SFXN5: variants seen among roughly 807,000 people sequenced by gnomAD.
The protein encoded by SFXN5 is sideroflexin-5.
SFXN5 carries 43 observed loss-of-function variants against 50.2 expected under a neutral mutation model. The ratio of observed to expected loss-of-function variants is 0.86; its 90% confidence interval spans 0.67 to 1.11. The LOEUF is 1.11. Ranked by LOEUF, SFXN5 falls within the 50% of genes least tolerant of loss-of-function variation. The probability of loss-of-function intolerance (pLI) is 0.00; values close to 1 mark genes in which losing one functional copy is unlikely to be tolerated. For missense variants in SFXN5, 463 were observed against 454.1 expected, an observed-to-expected ratio of 1.02 and a Z score of -0.18; for synonymous variants, 203 against 185.8, an observed-to-expected ratio of 1.09 and a Z score of -0.75.
At chr2:73,047,085 C>T (rs538435178) in intron 2 of SFXN5, among the ~76,000 whole-genome samples, 1 of 149,046 alleles carries the variant, frequency 6.7e-6, no homozygotes, top group Non-Finnish European at 1.5e-5. Context: ...ATTAGCTGGA[C>T]GTGGTGGCAG....
Position 73,071,673 on chromosome 2 carries a change from C to T in SFXN5, c.33G>A (p.Ala11=), listed in dbSNP as rs767541561. 27 of 1,612,222 alleles carry T rather than the reference C, an allele frequency of 1.7e-5. No individual in the cohort carries two copies. The Middle Eastern group carries it at 4.9e-4, about 29-fold the overall frequency. ...TCGAGGCGCTAGCGGCACTAGCCGCCGCCGCCGATGCTGTAGTCGCTGTAT... is the reference window on the plus strand; with the variant it reads ...TCGAGGCGCTAGCGGCACTAGCCGCTGCCGCCGATGCTGTAGTCGCTGTAT... MADTATTASA[A]AASAASASSD... Residue 11 remains alanine (A), a synonymous_variant, in exon 1 of 14, where the codon GCG becomes GCA. Transcript: ENST00000272433.
At chr2:73,047,341 GTACATATATA>G (rs1335842719) in intron 2 of SFXN5, among the ~76,000 whole-genome samples, 7 of 117,818 alleles carry the variant, frequency 5.9e-5, no homozygotes, top group East Asian at 2.4e-4. Flanking sequence ...GTATATATAT[GTACATATATA>G]TGTGTATATA....
intron 6 of SFXN5, 91 bp downstream of exon 6, chr2:73,020,148 C>A (rs887042655): frequency 3.0e-5 from 37 of 1,219,958 alleles, no homozygotes; most frequent in Non-Finnish European, 4.1e-5. Context: ...CCTAAATCAA[C>A]AATTCAGTCA....
chr2:73,007,360 A>G (rs1674838675), intron 6 of SFXN5, among the ~76,000 whole-genome samples: 2 of 152,112 alleles, frequency 1.3e-5, no homozygotes, highest in Non-Finnish European at 2.9e-5. Context: ...GTTCGCCAAG[A>G]TAATGGAAAT....
At chr2:72,964,216 G>A (rs1674106378) in intron 12 of SFXN5, among the ~76,000 whole-genome samples, 2 of 152,220 alleles carry the variant, frequency 1.3e-5, no homozygotes, top group South Asian at 4.1e-4. Context: ...CGCAGTTTTA[G>A]TTTGCACTCC....
intron 3 of SFXN5, among the ~76,000 whole-genome samples, chr2:73,027,401 AAT>A (rs1465660365): frequency 6.6e-6 from 1 of 152,256 alleles, no homozygotes; most frequent in African/African-American, 2.4e-5. Context: ...GTTATTACAA[AAT>A]AGTCAAAAAG....
At chr2:72,946,529 C>T (rs1671948662) in intron 13 of SFXN5, among the ~76,000 whole-genome samples, 1 of 152,186 alleles carries the variant, frequency 6.6e-6, no homozygotes, top group Non-Finnish European at 1.5e-5. Context: ...TTTCTGCAGC[C>T]TTGTTTCTCC....
chr2:73,030,677 C>CT (rs55913166), intron 3 of SFXN5, among the ~76,000 whole-genome samples: 52,964 of 151,920 alleles, frequency 0.35, 11,278 homozygotes, highest in African/African-American at 0.59. Flanking sequence ...CTGGAAACCG[C>CT]GTCTGCTTTC....
At chr2:72,967,787 C>T (rs1044113591) in intron 12 of SFXN5, among the ~76,000 whole-genome samples, 34 of 152,314 alleles carry the variant, frequency 2.2e-4, no homozygotes, top group African/African-American at 7.0e-4. Flanking sequence ...CCAGGGCCCG[C>T]CCTCTCTGCG....
chr2:72,996,068 C>T (rs1034940651), intron 9 of SFXN5, among the ~76,000 whole-genome samples: 6 of 152,140 alleles, frequency 3.9e-5, no homozygotes, highest in African/African-American at 1.4e-4. Context: ...GGTGCCCGTC[C>T]CTGGTTAACT....
chr2:72,944,946 T>G lies in SFXN5; in HGVS notation c.*76A>C. 1 of 1,383,192 alleles carries G rather than the reference T, an allele frequency of 7.2e-7. No individual in the cohort carries two copies. The highest frequency in any genetic ancestry group is 1.0e-6 in the Non-Finnish European group (1 of 990,212). The allele number at this position is 1,383,192 out of a possible 1,614,324, so 85.7% of individuals were successfully genotyped here. A position where few individuals can be genotyped will look rare whatever the true frequency, so the allele number is the denominator to read the frequency against. On this transcript the variant is annotated 3_prime_UTR_variant, in exon 14 of 14. Coordinates refer to ENST00000272433, the MANE Select transcript of SFXN5 (RefSeq NM_144579.3). The stretch of plus-strand genomic sequence containing the variant: ...GGGTTGGCGTGCTGCTCCCTGCAGG[T>G]GCAGCCGTGAGTCTACGGCCCTGCC...
chr2:73,060,703 C>CTTTTTTTTT (rs61079585), intron 1 of SFXN5, among the ~76,000 whole-genome samples: 1 of 139,878 alleles, frequency 7.1e-6, no homozygotes, highest in Admixed American at 7.1e-5. Context: ...TGTCCTTGTT[C>CTTTTTTTTT]TTTTTTTTTT....
In SFXN5 at chr2:72,961,976, G is replaced by A. The variant is rs536689057; in HGVS notation, c.828-728C>T. On this transcript the variant is annotated intron_variant, in intron 12 of 13. Transcript: ENST00000272433. This position sits in a 1 kb window ranked among gnomAD's most constrained non-coding sequence, Gnocchi z 4.4. ...GCACCCTCTTCCCATGGCTGGCTTC[G>A]GAGCTGGTTTCCTGGGCAGGGGAGG... 4.6e-5 allele frequency among the ~76,000 whole-genome samples: 7 copies of A among 152,320 alleles called. No individual in the cohort carries two copies. The highest frequency in any genetic ancestry group is 2.0e-4 in the Admixed American group (3 of 15,302).
intron 3 of SFXN5, among the ~76,000 whole-genome samples, chr2:73,023,998 G>T (rs1410839141): frequency 6.6e-6 from 1 of 151,950 alleles, no homozygotes; most frequent in Non-Finnish European, 1.5e-5. Flanking sequence ...ATCATGTGCC[G>T]CATACGAAAG....
chr2:72,956,278 A>C (rs946079869), intron 13 of SFXN5, among the ~76,000 whole-genome samples: 1 of 152,224 alleles, frequency 6.6e-6, no homozygotes. Context: ...TTCTCACGAC[A>C]TGAGGTTCCC....
intron 6 of SFXN5, among the ~76,000 whole-genome samples, chr2:73,011,889 T>C (rs1023798334): frequency 6.6e-6 from 1 of 152,258 alleles, no homozygotes; most frequent in Non-Finnish European, 1.5e-5. Context: ...GAAGTGCCCT[T>C]GAGAAACCCT....
intron 12 of SFXN5, among the ~76,000 whole-genome samples, chr2:72,967,680 A>G (rs1273082782): frequency 1.3e-5 from 2 of 152,056 alleles, no homozygotes; most frequent in African/African-American, 2.4e-5. Flanking sequence ...AGGTGTCCCC[A>G]TAGGGTAGGG....
At chr2:73,011,699 A>C (rs1199829768) in intron 6 of SFXN5, among the ~76,000 whole-genome samples, 1 of 152,234 alleles carries the variant, frequency 6.6e-6, no homozygotes, top group African/African-American at 2.4e-5. Context: ...GGAAACAAAA[A>C]TTTAAAGTAT....
At chr2:73,004,830 C>T (rs1302487557) in intron 6 of SFXN5, among the ~76,000 whole-genome samples, 1 of 152,236 alleles carries the variant, frequency 6.6e-6, no homozygotes, top group African/African-American at 2.4e-5. Context: ...GCAGCACCAT[C>T]TGCACAATCC....
Sources: gnomAD v4.1 joint callset for allele counts (sites outside exome capture counted in the v4.1 genomes callset) on GRCh38, gnomAD v4.1.1 for gene constraint, Gnocchi (gnomAD v3.1) non-coding constraint, MANE v1.5 for transcripts, NCBI Gene and HGNC (gene_info 2026-07-23, HGNC 2026-07-21) for gene names.